The following TTC29 variants were observed in gnomAD, a reference collection of about 807,000 sequenced individuals.
TTC29 encodes the protein tetratricopeptide repeat protein 29.
TTC29 carries 49 observed loss-of-function variants against 58.1 expected under a neutral mutation model. The ratio of observed to expected loss-of-function variants is 0.84; its 90% CI spans 0.67 to 1.07. TTC29 has a LOEUF of 1.07. Among genes scored for constraint, TTC29 ranks in the 50% least tolerant of loss-of-function variants. The pLI is 0.00. For synonymous variants in TTC29, 209 were observed against 196.8 expected, an observed-to-expected ratio of 1.06 and a Z score of -0.52; for missense variants, 582 against 555.6, an observed-to-expected ratio of 1.05 and a Z score of -0.48.
intron 4 of TTC29, among the ~76,000 whole-genome samples, chr4:146,933,013 G>A (rs939782449): frequency 1.3e-5 from 2 of 150,898 alleles, no homozygotes; most frequent in African/African-American, 2.4e-5. Flanking sequence ...AGCTGAGATC[G>A]CACCACTGCA....
intron 10 of TTC29, among the ~76,000 whole-genome samples, chr4:146,818,349 G>A (rs1579748194): frequency 6.6e-6 from 1 of 152,320 alleles, no homozygotes; most frequent in Non-Finnish European, 1.5e-5. Flanking sequence ...ATCATCACTG[G>A]CCATCAGACA....
At chr4:146,712,910 G>A (rs1269130773) in intron 11 of TTC29, among the ~76,000 whole-genome samples, 1 of 152,078 alleles carries the variant, frequency 6.6e-6, no homozygotes, top group African/African-American at 2.4e-5. Context: ...CAGTTGTAGA[G>A]TGTCACAGTT....
intron 3 of TTC29, among the ~76,000 whole-genome samples, chr4:146,938,382 T>C (rs925711905): frequency 3.3e-5 from 5 of 152,142 alleles, no homozygotes; most frequent in Non-Finnish European, 7.4e-5. Flanking sequence ...ATGATAAAAA[T>C]ATTTTTCTTC....
chr4:146,905,945 A>G (rs1733494434), intron 5 of TTC29, among the ~76,000 whole-genome samples: 1 of 152,194 alleles, frequency 6.6e-6, no homozygotes, highest in South Asian at 2.1e-4. Flanking sequence ...ATTTTGCCTT[A>G]GAACATAATT....
intron 11 of TTC29, among the ~76,000 whole-genome samples, chr4:146,764,719 G>A (rs1747160629): frequency 6.6e-6 from 1 of 151,862 alleles, no homozygotes; most frequent in South Asian, 2.1e-4. Context: ...TATAATAAAG[G>A]GATCACTGCC....
chr4:146,733,538 G>T (rs1744500967), intron 11 of TTC29, among the ~76,000 whole-genome samples: 1 of 151,956 alleles, frequency 6.6e-6, no homozygotes, highest in African/African-American at 2.4e-5. Context: ...AATCTTATTA[G>T]ACCTGTTACT....
intron 11 of TTC29, among the ~76,000 whole-genome samples, chr4:146,760,765 T>C (rs1292357719): frequency 7.1e-6 from 1 of 140,378 alleles, no homozygotes. Flanking sequence ...TATATATATA[T>C]ATATGATGGA....
At chr4:146,927,693 C>A (rs957793661) in intron 4 of TTC29, among the ~76,000 whole-genome samples, 20 of 152,086 alleles carry the variant, frequency 1.3e-4, no homozygotes, top group Non-Finnish European at 2.5e-4. Flanking sequence ...CAAGATAGTT[C>A]AAACAGGAGT....
chr4:146,838,399 CA>C (rs34339203), intron 8 of TTC29, among the ~76,000 whole-genome samples: 109,210 of 150,648 alleles, frequency 0.72, 40,318 homozygotes, highest in African/African-American at 0.88. Context: ...TGTCAACTGT[CA>C]AAAAAAAAAT....
rs1747026591 is a variant in TTC29, at chr4:146,763,041, TTATTCTA to T, written c.1330+40409_1330+40415del. On this transcript the variant is annotated intron_variant, in intron 11 of 12. Coordinates refer to ENST00000325106, the MANE Select transcript of TTC29 (RefSeq NM_031956.4). ...TTAATAGTTCTGCCCACCTGTTTGG[TTATTCTA>T]AAGTACTTTGGAATTTTAGATACCC... 2.6e-5 allele frequency among the ~76,000 whole-genome samples: 4 copies of T among 152,176 alleles called. No homozygotes were observed. In the South Asian group the frequency reaches 8.3e-4, roughly 32 times the overall value.
chr4:146,714,969 A>C (rs1439088800), intron 11 of TTC29, among the ~76,000 whole-genome samples: 2 of 152,104 alleles, frequency 1.3e-5, no homozygotes, highest in Non-Finnish European at 2.9e-5. Context: ...AGTAGCTGGG[A>C]CTACAGGCGT....
At position 146,726,169 on chromosome 4, in the gene TTC29, C is replaced by T. The variant is rs80102142; in HGVS notation, c.1331-18618G>A. Among the ~76,000 whole-genome samples, 269 of 152,162 alleles carry T rather than the reference C, an allele frequency of 1.8e-3. 2 individuals carry two copies. Among genetic ancestry groups the T allele is most frequent in the African/African-American group, 6.3e-3 (261 of 41,530 alleles). ...GGGATTACAGGTGTAAGCCATCATGCCAGGTCTAAACCATGTATAAAAAAA... is the reference window on the plus strand; with the variant it reads ...GGGATTACAGGTGTAAGCCATCATGTCAGGTCTAAACCATGTATAAAAAAA... On this transcript the variant is annotated intron_variant, in intron 11 of 12. Transcript: ENST00000325106.
At chr4:146,721,481 G>T (rs1459461543) in intron 11 of TTC29, among the ~76,000 whole-genome samples, 1 of 152,144 alleles carries the variant, frequency 6.6e-6, no homozygotes, top group African/African-American at 2.4e-5. Context: ...ATTTGTCCCT[G>T]TATCTGTAGC....
chr4:146,913,406 C>T (rs928778814), intron 4 of TTC29, among the ~76,000 whole-genome samples: 1 of 151,990 alleles, frequency 6.6e-6, no homozygotes, highest in African/African-American at 2.4e-5. Flanking sequence ...TTGGTCCACC[C>T]AGCATCTAGC....
intron 9 of TTC29, among the ~76,000 whole-genome samples, chr4:146,822,578 T>C (rs1283199567): frequency 1.3e-5 from 2 of 152,208 alleles, no homozygotes; most frequent in East Asian, 3.8e-4. Flanking sequence ...TAGAATGATG[T>C]AGGTTTACTG....
chr4:146,877,151 T>C (rs1731320675), intron 6 of TTC29, among the ~76,000 whole-genome samples: 1 of 152,052 alleles, frequency 6.6e-6, no homozygotes, highest in Non-Finnish European at 1.5e-5. Context: ...TAAACAAGTG[T>C]TTATAATAAG....
chr4:146,784,933 T>C (rs553279852), intron 11 of TTC29, among the ~76,000 whole-genome samples: 2 of 152,320 alleles, frequency 1.3e-5, no homozygotes, highest in African/African-American at 2.4e-5. Flanking sequence ...ATGAACATAA[T>C]TTAATCTTTT....
chr4:146,792,177 C>T (rs1284047391), intron 11 of TTC29, among the ~76,000 whole-genome samples: 2 of 152,132 alleles, frequency 1.3e-5, no homozygotes, highest in African/African-American at 2.4e-5. Context: ...GAAGAAGATG[C>T]TATCTAGGGC....
At chr4:146,917,699 T>C (rs747909144) in intron 4 of TTC29, among the ~76,000 whole-genome samples, 12 of 145,636 alleles carry the variant, frequency 8.2e-5, no homozygotes, top group Non-Finnish European at 1.7e-4. Context: ...ATTACTTATA[T>C]TAAATTATAT....
Sources: gnomAD v4.1 joint callset for allele counts (sites outside exome capture counted in the v4.1 genomes callset) on GRCh38, gnomAD v4.1.1 for gene constraint, MANE v1.5 for transcripts, NCBI Gene and HGNC (gene_info 2026-07-23, HGNC 2026-07-21) for gene names.